Variants in CACNG7 observed in about 807,000 individuals in gnomAD.
CACNG7 encodes the protein calcium voltage-gated channel auxiliary subunit gamma 7.
Under a neutral mutation model 26.3 loss-of-function variants are expected in CACNG7, and 9 were observed. That is an observed-to-expected ratio of 0.34 (90% CI 0.21 to 0.60). The LOEUF is 0.60. CACNG7 is among the 20% of genes least tolerant of loss of function. CACNG7 has a pLI of 0.81. For synonymous variants in CACNG7, 170 were observed against 157.0 expected, an observed-to-expected ratio of 1.08 and a Z score of -0.62; for missense variants, 297 against 380.4, an observed-to-expected ratio of 0.78 and a Z score of 1.82.
intron 4 of CACNG7, among the ~76,000 whole-genome samples, chr19:53,916,109 ACCAT>A (rs1200369534): frequency 6.6e-6 from 1 of 152,234 alleles, no homozygotes; most frequent in African/African-American, 2.4e-5. Flanking sequence ...TATATGTCCA[ACCAT>A]CCATCAATCC....
chr19:53,937,461 G>A (rs944650261), intron 4 of CACNG7, among the ~76,000 whole-genome samples: 4 of 152,038 alleles, frequency 2.6e-5, no homozygotes, highest in Admixed American at 6.6e-5. Flanking sequence ...CTGACTACCC[G>A]GTTGATGAGA....
chr19:53,942,592 T>G lies in CACNG7; in HGVS notation c.*299T>G. The G allele has an allele frequency of 7.9e-7, 1 of 1,265,688 alleles. No individual in the cohort carries two copies. Among genetic ancestry groups the G allele is most frequent in the Non-Finnish European group, 1.0e-6 (1 of 1,001,244 alleles). 78.4% of individuals were successfully genotyped at this position (1,265,688 alleles called of 1,614,324 possible). A position where few individuals can be genotyped will look rare whatever the true frequency, so the allele number is the denominator to read the frequency against. The stretch of plus-strand genomic sequence containing the variant: ...CCTCCTCTCCAAGAAAATTAGCTCC[T>G]CCCTCGTTCTCCACCTGCTCTGAGC... On this transcript the variant is annotated 3_prime_UTR_variant, in exon 6 of 6. Coordinates refer to ENST00000391767, the MANE Select transcript of CACNG7 (RefSeq NM_031896.5). This position sits in a 1 kb window ranked among gnomAD's most constrained non-coding sequence, Gnocchi z 5.9.
chr19:53,925,603 G>T (rs544057033), intron 4 of CACNG7, among the ~76,000 whole-genome samples: 1 of 152,316 alleles, frequency 6.6e-6, no homozygotes, highest in Admixed American at 6.5e-5. Context: ...GTCATTGGGG[G>T]AGTTGCCCCA....
At chr19:53,922,141 G>C (rs145798754) in intron 4 of CACNG7, among the ~76,000 whole-genome samples, 2 of 117,214 alleles carry the variant, frequency 1.7e-5, no homozygotes, top group Non-Finnish European at 3.5e-5. Flanking sequence ...GTCATTGGTG[G>C]AGTTGTCCCC....
chr19:53,933,845 AGG>A (rs2069089226), intron 4 of CACNG7, among the ~76,000 whole-genome samples: 1 of 152,044 alleles, frequency 6.6e-6, no homozygotes, highest in Non-Finnish European at 1.5e-5. Flanking sequence ...ACTGAGGGAC[AGG>A]GTATCCTGGT....
chr19:53,915,567 T>C, intron 4 of CACNG7, 62 bp downstream of exon 4: 1 of 1,583,016 alleles, frequency 6.3e-7, no homozygotes. Flanking sequence ...CTGTGGTTCC[T>C]TTTCCACTTA....
chr19:53,915,294 G>A (rs2068888770), intron 3 of CACNG7, 71 bp from the exon 4 acceptor site: 2 of 1,192,262 alleles, frequency 1.7e-6, no homozygotes, highest in Non-Finnish European at 2.5e-6. Flanking sequence ...TGAGAGCAGA[G>A]GTCAAGGAAT....
chr19:53,919,550 T>G (rs575311922), intron 4 of CACNG7, among the ~76,000 whole-genome samples: 1 of 132,418 alleles, frequency 7.6e-6, no homozygotes, highest in Non-Finnish European at 1.6e-5. Flanking sequence ...TGGTCATTGG[T>G]GGAGTTGCCC....
At chr19:53,910,536 T>G (rs895001379) in intron 1 of CACNG7, among the ~76,000 whole-genome samples, 7 of 152,046 alleles carry the variant, frequency 4.6e-5, no homozygotes, top group Non-Finnish European at 7.4e-5. Context: ...GGGGAGAATG[T>G]TGAGGGGTCT....
rs985565386 is a variant in CACNG7 at position 53,942,350 on chromosome 19, C to G, written c.*57C>G. The G allele has an allele frequency of 2.6e-6, 4 of 1,554,366 alleles. No individual in the cohort carries two copies. The highest frequency in any genetic ancestry group is 3.5e-5 in the Admixed American group (2 of 57,392). On this transcript the variant is annotated 3_prime_UTR_variant, in exon 6 of 6. Coordinates refer to ENST00000391767, the MANE Select transcript of CACNG7 (RefSeq NM_031896.5). The surrounding 1 kb of genome is among the most constrained non-coding windows in gnomAD (Gnocchi z 5.9). ...CCTCCTCCTCGTCTTAGGGGGGTCT[C>G]CCTGCAATGCAGCGCCCCCTTCCGT...
chr19:53,912,958 C>T lies in CACNG7; in HGVS notation c.127C>T (p.Pro43Ser). 3 of 1,613,938 alleles carry T rather than the reference C, an allele frequency of 1.9e-6. No individual in the cohort carries two copies. The highest frequency in any genetic ancestry group is 2.5e-6 in the Non-Finnish European group (3 of 1,179,978). The part of the protein sequence containing the change: ...WLYMEEGTVL[P>S]QNQTTEVKMA... The stretch of plus-strand genomic sequence containing the variant: ...GTACATGGAAGAAGGCACAGTGCTA[C>T]CGCAGAACCAGACCACCGAGGTCAA... The change falls in exon 2 of 6, where the codon CCG (proline) becomes TCG (serine). Residue 43 changes from proline (P) to serine (S), a missense_variant. Transcript: ENST00000391767. This position sits in a 1 kb window ranked among gnomAD's most constrained non-coding sequence, Gnocchi z 4.6.
chr19:53,941,588 C>T lies in CACNG7; in HGVS notation c.543C>T (p.Phe181=). ...ATCGCTACGGGTGGTCTTTTGCCTT[C>T]GCCGCTTCCTCCTTCCTACTCAAAG... The part of the protein sequence containing the change: ...FHYRYGWSFA[F]AASSFLLKEG... The change falls in exon 5 of 6, where the codon TTC becomes TTT. Residue 181 remains phenylalanine (F), a synonymous_variant. Transcript: ENST00000391767. 1.2e-6 allele frequency: 2 copies of T among 1,612,136 alleles called. No individual in the cohort carries two copies. The highest frequency in any genetic ancestry group is 1.7e-6 in the Non-Finnish European group (2 of 1,179,256).
In CACNG7 at chr19:53,920,279, C is replaced by T. The variant is rs1466648169; in HGVS notation, c.424+4774C>T. ...GTCATTGGTGGAGTTGTCCCCAGGC[C>T]TGGTATTGGTGGAGTTGCCCCAGGT... On this transcript the variant is annotated intron_variant, in intron 4 of 5. Transcript: ENST00000391767. Among the ~76,000 whole-genome samples the T allele has an allele frequency of 4.7e-5, 4 of 85,170 alleles. No homozygotes were observed. The East Asian group carries it at 9.5e-4, about 20-fold the overall frequency. The allele number at this position is 85,170 out of a possible 152,430, so 55.9% of individuals were successfully genotyped here.
rs768884026 is a variant in CACNG7 at position 53,942,044 on chromosome 19, C to T, written c.579C>T (p.Gly193=). The T allele has an allele frequency of 1.9e-5, 31 of 1,592,776 alleles. 1 individual carries two copies. In the East Asian group the frequency reaches 5.9e-4, roughly 30 times the overall value. The change falls in exon 6 of 6, where the codon GGC becomes GGT. Residue 193 remains glycine, a synonymous_variant. Transcript: ENST00000391767. The surrounding 1 kb of genome is among the most constrained non-coding windows in gnomAD (Gnocchi z 5.9). ...ACCTTGCCTTGCCGCAGGGGGCCGGCGTGATGTCCGTGTACCTGTTCACCA... is the reference window on the plus strand; with the variant it reads ...ACCTTGCCTTGCCGCAGGGGGCCGGTGTGATGTCCGTGTACCTGTTCACCA... ...ASSFLLKEGA[G]VMSVYLFTKR...
rs1180515230 is a variant in CACNG7, at chr19:53,909,417, C to A, written c.-130C>A. On this transcript the variant is annotated 5_prime_UTR_variant, in exon 1 of 6. Coordinates refer to ENST00000391767, the MANE Select transcript of CACNG7 (RefSeq NM_031896.5). The surrounding 1 kb of genome is among the most constrained non-coding windows in gnomAD (Gnocchi z 5.1). Reference sequence around the variant, plus strand: ...GGGCGGGGGCGGGGGGCGCGGGCACCGGCGACCCCGGTGGCGGCGGCGGCG... The same window carrying A: ...GGGCGGGGGCGGGGGGCGCGGGCACAGGCGACCCCGGTGGCGGCGGCGGCG... 6.7e-6 allele frequency: 1 copy of A among 148,340 alleles called. No homozygotes were observed. The highest frequency in any genetic ancestry group is 2.4e-5 in the African/African-American group (1 of 40,838). 9.2% of individuals were successfully genotyped at this position (148,340 alleles called of 1,614,324 possible).
chr19:53,930,074 C>CAAAAAAA (rs35004784), intron 4 of CACNG7, among the ~76,000 whole-genome samples: 2 of 92,552 alleles, frequency 2.2e-5, no homozygotes, highest in African/African-American at 7.4e-5. Context: ...CTACATGCTA[C>CAAAAAAA]AAAAAAAAAA....
Position 53,921,991 on chromosome 19 carries a change from CCTGGTCATTGGTGGAGTTGTCCCCAGGT to C in CACNG7, c.424+6514_424+6541del, listed in dbSNP as rs1187304223. On this transcript the variant is annotated intron_variant, in intron 4 of 5. Coordinates refer to ENST00000391767, the MANE Select transcript of CACNG7 (RefSeq NM_031896.5). ...TGGTCATTGGTGGAGTTGCCCCAGG[CCTGGTCATTGGTGGAGTTGTCCCCAGGT>C]CTGGTCATTGGTGGAGTTGTCCCCA... is the stretch of plus-strand genomic sequence containing the variant. 1.7e-4 allele frequency among the ~76,000 whole-genome samples: 7 copies of C among 41,474 alleles called. 1 individual carries two copies. Among genetic ancestry groups the C allele is most frequent in the Admixed American group, 7.4e-4 (3 of 4,074 alleles). The allele number at this position is 41,474 out of a possible 152,430, so 27.2% of individuals were successfully genotyped here. A position where few individuals can be genotyped will look rare whatever the true frequency, so the allele number is the denominator to read the frequency against.
chr19:53,911,735 G>A (rs752872339), intron 1 of CACNG7, among the ~76,000 whole-genome samples: 12 of 152,142 alleles, frequency 7.9e-5, no homozygotes, highest in Non-Finnish European at 1.5e-4. Flanking sequence ...GGCAGCTCGC[G>A]GTCAAACCCC....
At position 53,940,685 on chromosome 19, in the gene CACNG7, A is replaced by T. The variant is rs1267958132; in HGVS notation, c.425-785A>T. 6.6e-6 allele frequency among the ~76,000 whole-genome samples: 1 copy of T among 152,082 alleles called. No individual in the cohort carries two copies. Among genetic ancestry groups the T allele is most frequent in the East Asian group, 1.9e-4 (1 of 5,198 alleles). ...TATGTTACAGCTACATGGGTGGACC[A>T]GCTCTATTTTCCCTCCTTCCGAAAC... On this transcript the variant is annotated intron_variant, in intron 4 of 5. Transcript: ENST00000391767. This position sits in a 1 kb window ranked among gnomAD's most constrained non-coding sequence, Gnocchi z 4.1.
Sources: allele counts gnomAD v4.1 joint callset (sites outside exome capture counted in the v4.1 genomes callset), GRCh38; gene constraint gnomAD v4.1.1; non-coding constraint Gnocchi (gnomAD v3.1); transcripts MANE v1.5; gene names NCBI Gene and HGNC (gene_info 2026-07-23, HGNC 2026-07-21).